SVOPL: variants seen among roughly 807,000 people sequenced by gnomAD.
SVOPL encodes putative transporter SVOPL.
Under a neutral mutation model 61.0 loss-of-function variants are expected in SVOPL, and 60 were observed. The observed-to-expected ratio is 0.98, with a 90% CI of 0.80 to 1.22. SVOPL has a LOEUF of 1.22. SVOPL is among the 50% of genes most tolerant of loss of function. The probability of loss-of-function intolerance (pLI) is 0.00; values close to 1 mark genes in which losing one functional copy is unlikely to be tolerated. For synonymous variants in SVOPL, 279 were observed against 250.0 expected, an observed-to-expected ratio of 1.12 and a Z score of -1.09; for missense variants, 662 against 643.9, an observed-to-expected ratio of 1.03 and a Z score of -0.30.
At chr7:138,642,933 T>C (rs1464173686) in intron 9 of SVOPL, among the ~76,000 whole-genome samples, 1 of 151,874 alleles carries the variant, frequency 6.6e-6, no homozygotes, top group Non-Finnish European at 1.5e-5. Context: ...CTGTAACCTT[T>C]AAATAAATTG....
intron 14 of SVOPL, among the ~76,000 whole-genome samples, chr7:138,619,272 G>C (rs1799441479): frequency 6.6e-6 from 1 of 152,006 alleles, no homozygotes; most frequent in South Asian, 2.1e-4. Flanking sequence ...GTCAGGCATG[G>C]TGGTGCATGC....
intron 1 of SVOPL, among the ~76,000 whole-genome samples, chr7:138,688,252 G>A (rs1359622751): frequency 6.6e-6 from 1 of 151,400 alleles, no homozygotes; most frequent in Non-Finnish European, 1.5e-5. Context: ...TTCCTACTCA[G>A]TAGGATGCCG....
chr7:138,692,985 A>G (rs889629017), intron 1 of SVOPL, among the ~76,000 whole-genome samples: 1 of 152,196 alleles, frequency 6.6e-6, no homozygotes, highest in African/African-American at 2.4e-5. Context: ...TCACATAATA[A>G]GGACTAGAGC....
chr7:138,601,404 T>C (rs1035857211), intron 14 of SVOPL, among the ~76,000 whole-genome samples: 1 of 151,978 alleles, frequency 6.6e-6, no homozygotes, highest in African/African-American at 2.4e-5. Flanking sequence ...GATATATACA[T>C]ACAATGAAAG....
At chr7:138,648,331 C>G (rs1282660087) in intron 8 of SVOPL, among the ~76,000 whole-genome samples, 22 of 151,908 alleles carry the variant, frequency 1.4e-4, no homozygotes, top group Non-Finnish European at 3.1e-4. Flanking sequence ...AGAAAGATGG[C>G]CTGGCGCGGT....
chr7:138,688,512 C>T (rs574446765), intron 1 of SVOPL, among the ~76,000 whole-genome samples: 5 of 152,274 alleles, frequency 3.3e-5, no homozygotes, highest in South Asian at 4.1e-4. Context: ...TCCAGTGGTC[C>T]ACCTGCCTTG....
intron 4 of SVOPL, among the ~76,000 whole-genome samples, chr7:138,666,470 C>T (rs1054253628): frequency 6.6e-6 from 1 of 152,182 alleles, no homozygotes; most frequent in Admixed American, 6.5e-5. Flanking sequence ...CTAAGACGGG[C>T]CCCAAGGTTA....
chr7:138,620,754 A>G (rs1251156904), intron 14 of SVOPL, among the ~76,000 whole-genome samples: 2 of 152,178 alleles, frequency 1.3e-5, no homozygotes, highest in South Asian at 2.1e-4. Context: ...TCAACTGCCC[A>G]AGCTTCTCGT....
At chr7:138,595,333 G>C (rs1334172168) in intron 15 of SVOPL, among the ~76,000 whole-genome samples, 1 of 150,658 alleles carries the variant, frequency 6.6e-6, no homozygotes, top group Non-Finnish European at 1.5e-5. Flanking sequence ...AGTGGGTGTG[G>C]GTGTGTATTT....
intron 8 of SVOPL, 62 bp downstream of exon 8, chr7:138,648,950 G>T (rs1801278127): frequency 6.2e-7 from 1 of 1,605,896 alleles, no homozygotes; most frequent in Non-Finnish European, 8.5e-7. Context: ...TATTTGTGGG[G>T]CATGAAGGCC....
chr7:138,647,412 G>A (rs1801171942), intron 8 of SVOPL, among the ~76,000 whole-genome samples: 1 of 151,844 alleles, frequency 6.6e-6, no homozygotes, highest in Non-Finnish European at 1.5e-5. Context: ...AGATGACATG[G>A]CGAGAAGATA....
chr7:138,688,490 G>T (rs1802870168), intron 1 of SVOPL, among the ~76,000 whole-genome samples: 1 of 152,070 alleles, frequency 6.6e-6, no homozygotes, highest in Admixed American at 6.6e-5. Flanking sequence ...GGCTGGTCTT[G>T]AACTCCTGAC....
chr7:138,614,717 T>C (rs1403675564), intron 14 of SVOPL, among the ~76,000 whole-genome samples: 1 of 151,716 alleles, frequency 6.6e-6, no homozygotes, highest in African/African-American at 2.4e-5. Context: ...TTCAAAGGGG[T>C]GATAAGGTTG....
intron 14 of SVOPL, among the ~76,000 whole-genome samples, chr7:138,605,050 T>TA (rs1186554466): frequency 2.6e-5 from 4 of 151,268 alleles, no homozygotes; most frequent in East Asian, 3.9e-4. Context: ...CCCTGAGCTC[T>TA]AAAAAAGAGA....
chr7:138,601,825 C>T (rs976682338), intron 14 of SVOPL, among the ~76,000 whole-genome samples: 5 of 152,118 alleles, frequency 3.3e-5, no homozygotes, highest in Non-Finnish European at 7.3e-5. Context: ...GCCTTACTTC[C>T]CACGTGTCTC....
chr7:138,600,791 T>G (rs953760183), intron 14 of SVOPL, among the ~76,000 whole-genome samples: 1 of 151,964 alleles, frequency 6.6e-6, no homozygotes, highest in Admixed American at 6.6e-5. Flanking sequence ...GTAAGATACA[T>G]CACCTCACAT....
At chr7:138,601,162 G>A (rs11981647) in intron 14 of SVOPL, among the ~76,000 whole-genome samples, 11,558 of 149,580 alleles carry the variant, frequency 0.077, 619 homozygotes, top group African/African-American at 0.15. Flanking sequence ...TGAGGTAGGA[G>A]AATGGCGTGA....
chr7:138,672,933 G>A (rs548213756), intron 3 of SVOPL, among the ~76,000 whole-genome samples: 2 of 150,622 alleles, frequency 1.3e-5, no homozygotes, highest in East Asian at 3.9e-4. Context: ...AGAAGGAGAT[G>A]CTAGAAAAGA....
intron 10 of SVOPL, among the ~76,000 whole-genome samples, 192 bp from the exon 11 acceptor site, chr7:138,628,555 G>A (rs948045497): frequency 6.6e-6 from 1 of 152,174 alleles, no homozygotes; most frequent in Non-Finnish European, 1.5e-5. Context: ...CCTGTCGGGT[G>A]TAAACCTAGG....
Sources: gnomAD v4.1 joint callset for allele counts (sites outside exome capture counted in the v4.1 genomes callset) on GRCh38, gnomAD v4.1.1 for gene constraint, MANE v1.5 for transcripts, NCBI Gene and HGNC (gene_info 2026-07-23, HGNC 2026-07-21) for gene names.